The following ZFTRAF1 variants were observed in gnomAD, a reference collection of about 807,000 sequenced individuals.
ZFTRAF1 encodes the protein zinc finger TRAF-type-containing protein 1.
At chr8:144,453,511 C>A in the ZFTRAF1 span, 1 of 1,467,878 alleles carries the variant, frequency 6.8e-7, no homozygotes, top group Non-Finnish European at 9.2e-7. Flanking sequence ...GGCTCATGCT[C>A]GCACACACCC....
the ZFTRAF1 span, among the ~76,000 whole-genome samples, chr8:144,460,284 G>T: frequency 6.6e-6 from 1 of 152,238 alleles, no homozygotes; most frequent in African/African-American, 2.4e-5. Context: ...CATTACACCT[G>T]TTCAGCTCCC....
chr8:144,457,970 AC>A, the ZFTRAF1 span: 1 of 152,170 alleles, frequency 6.6e-6, no homozygotes, highest in Non-Finnish European at 1.5e-5. Context: ...TGTGGCACAA[AC>A]CCCAAAAGCG....
the ZFTRAF1 span, among the ~76,000 whole-genome samples, chr8:144,459,804 G>A: frequency 3.3e-5 from 5 of 152,214 alleles, no homozygotes; most frequent in South Asian, 2.1e-4. Flanking sequence ...AGCTTGGCTG[G>A]TGCCCACCCT....
chr8:144,458,750 G>A, the ZFTRAF1 span, among the ~76,000 whole-genome samples: 2 of 152,210 alleles, frequency 1.3e-5, no homozygotes, highest in African/African-American at 2.4e-5. Flanking sequence ...AGCAAGGAGA[G>A]AACAAAGTCT....
the ZFTRAF1 span, chr8:144,462,486 C>A: frequency 5.2e-6 from 1 of 191,612 alleles, no homozygotes; most frequent in Non-Finnish European, 1.0e-5. Context: ...CCCGCCAAGC[C>A]CGCCTCGTCC....
chr8:144,459,986 C>T, the ZFTRAF1 span, among the ~76,000 whole-genome samples: 1 of 152,300 alleles, frequency 6.6e-6, no homozygotes, highest in South Asian at 2.1e-4. Context: ...CAGCATGGGC[C>T]CAACCAGGGA....
the ZFTRAF1 span, chr8:144,451,066 C>G: frequency 2.8e-6 from 1 of 358,518 alleles, no homozygotes; most frequent in Admixed American, 4.1e-5. Flanking sequence ...CCTCCCTCAC[C>G]GCCCCGAGCC....
the ZFTRAF1 span, chr8:144,450,221 T>A: frequency 1.7e-6 from 1 of 596,224 alleles, no homozygotes. Flanking sequence ...GGGGGCCCCG[T>A]CGCGCACGCA....
the ZFTRAF1 span, chr8:144,452,137 A>G: frequency 4.8e-6 from 3 of 620,254 alleles, no homozygotes; most frequent in East Asian, 8.7e-5. Flanking sequence ...TGTGAGAGCC[A>G]CACAGGTGTG....
At chr8:144,453,472 G>A in the ZFTRAF1 span, 17 of 1,543,024 alleles carry the variant, frequency 1.1e-5, no homozygotes, top group Non-Finnish European at 1.4e-5. Flanking sequence ...TGCGAAGAAG[G>A]AAAGGGAGAC....
the ZFTRAF1 span, chr8:144,457,521 G>A: frequency 6.6e-6 from 1 of 152,286 alleles, no homozygotes; most frequent in South Asian, 2.1e-4. Context: ...TGCAGATGCT[G>A]ATACACACAG....
the ZFTRAF1 span, among the ~76,000 whole-genome samples, chr8:144,458,977 C>T: frequency 2.8e-4 from 42 of 152,390 alleles, no homozygotes; most frequent in African/African-American, 9.6e-4. Flanking sequence ...GAACAATGCG[C>T]AGTCCCTTCC....
the ZFTRAF1 span, among the ~76,000 whole-genome samples, chr8:144,453,030 G>T: frequency 6.6e-6 from 1 of 152,218 alleles, no homozygotes; most frequent in East Asian, 1.9e-4. Context: ...TAACAACTGG[G>T]TGCAAAACCC....
chr8:144,461,507 A>T, the ZFTRAF1 span, among the ~76,000 whole-genome samples: 1 of 152,060 alleles, frequency 6.6e-6, no homozygotes, highest in Non-Finnish European at 1.5e-5. Context: ...TGCCATGCGG[A>T]TGTGAAGATG....
At chr8:144,455,683 A>C in the ZFTRAF1 span, 1 of 152,282 alleles carries the variant, frequency 6.6e-6, no homozygotes, top group African/African-American at 2.4e-5. Flanking sequence ...AGCACAGGCA[A>C]AACAGCACTC....
the ZFTRAF1 span, among the ~76,000 whole-genome samples, chr8:144,461,928 A>G: frequency 8.5e-5 from 13 of 152,108 alleles, no homozygotes; most frequent in Non-Finnish European, 4.4e-5. Context: ...TTGCGGGCTA[A>G]GGATCAGTTT....
chr8:144,450,813 G>A, the ZFTRAF1 span: 2 of 650,740 alleles, frequency 3.1e-6, no homozygotes, highest in South Asian at 1.7e-5. Flanking sequence ...CTGTTAGTGT[G>A]GGCAGGGCTG....
At chr8:144,450,588 T>C in the ZFTRAF1 span, 1 of 718,026 alleles carries the variant, frequency 1.4e-6, no homozygotes, top group Admixed American at 2.0e-5. Flanking sequence ...AGCGGTGCCG[T>C]GACCTTGCTC....
At chr8:144,453,710 A>C in the ZFTRAF1 span, 7 of 458,940 alleles carry the variant, frequency 1.5e-5, no homozygotes, top group East Asian at 2.2e-4. Flanking sequence ...CAGCTCACAG[A>C]GGTGACAGCT....
Sources: gnomAD v4.1 joint callset for allele counts (sites outside exome capture counted in the v4.1 genomes callset) on GRCh38, gnomAD v4.1.1 for gene constraint, MANE v1.5 for transcripts, NCBI Gene and HGNC (gene_info 2026-07-23, HGNC 2026-07-21) for gene names.